Variants in KIAA0232 observed in about 807,000 individuals in gnomAD.
The protein encoded by KIAA0232 is KIAA0232.
A neutral mutation model predicts 122.0 loss-of-function variants in KIAA0232; 27 were observed. That is an observed-to-expected ratio of 0.22 (90% CI 0.16 to 0.31). The LOEUF is 0.31. KIAA0232 is among the 10% of genes least tolerant of loss of function. The pLI is 1.00. For missense variants in KIAA0232, 1,551 were observed against 1,634.2 expected, an observed-to-expected ratio of 0.95 and a Z score of 0.88; for synonymous variants, 613 against 587.6, an observed-to-expected ratio of 1.04 and a Z score of -0.63.
In KIAA0232 at chr4:6,863,595, A is replaced by G. The variant is rs1451001099; in HGVS notation, c.3213A>G (p.Lys1071=). ...EGIASFSPSF[K]PKSILCSDSD... Reference sequence around the variant, plus strand: ...TTGCATCTTTCAGCCCCAGTTTTAAACCGAAATCAATCCTCTGTTCTGATT... The same window carrying G: ...TTGCATCTTTCAGCCCCAGTTTTAAGCCGAAATCAATCCTCTGTTCTGATT... Residue 1071 remains lysine, a synonymous_variant, in exon 7 of 10, where the codon AAA becomes AAG. Transcript: ENST00000307659. 1 of 1,614,120 alleles carries G rather than the reference A, an allele frequency of 6.2e-7. No individual in the cohort carries two copies. Among genetic ancestry groups the G allele is most frequent in the East Asian group, 2.2e-5 (1 of 44,878 alleles).
intron 3 of KIAA0232, among the ~76,000 whole-genome samples, chr4:6,825,021 A>C (rs1035732767): frequency 6.6e-6 from 1 of 152,246 alleles, no homozygotes; most frequent in African/African-American, 2.4e-5. Flanking sequence ...TACTATTTAG[A>C]AAACTCACAC....
chr4:6,832,838 G>C (rs1246305185), intron 3 of KIAA0232, among the ~76,000 whole-genome samples: 1 of 152,122 alleles, frequency 6.6e-6, no homozygotes, highest in African/African-American at 2.4e-5. Flanking sequence ...TCACACACTG[G>C]GGCCTGCCCT....
In KIAA0232 at chr4:6,880,852, C is replaced by T. The variant is rs1327767195; in HGVS notation, c.4074C>T (p.Phe1358=). The T allele has an allele frequency of 3.1e-6, 5 of 1,606,996 alleles. No homozygotes were observed. The highest frequency in any genetic ancestry group is 4.3e-6 in the Non-Finnish European group (5 of 1,176,292). ...ERDSGAKSDG[F]RGKMCSSASS... ...ATTCTGGAGCAAAGTCAGATGGCTT[C>T]CGCGGAAAGATGTGCTCCAGCGCCA... The change falls in exon 10 of 10, where the codon TTC becomes TTT. Residue 1358 remains phenylalanine, a synonymous_variant. Transcript: ENST00000307659.
rs1314554626 is a variant in KIAA0232 at position 6,862,904 on chromosome 4, T to C, written c.2522T>C (p.Val841Ala). 1 of 1,614,028 alleles carries C rather than the reference T, an allele frequency of 6.2e-7. No individual in the cohort carries two copies. Among genetic ancestry groups the C allele is most frequent in the Non-Finnish European group, 8.5e-7 (1 of 1,180,028 alleles). The change falls in exon 7 of 10, where the codon GTA becomes GCA. Residue 841 changes from valine to alanine, a missense_variant. Val to Ala is a moderately conservative substitution (Grantham distance 64). This residue lies in a region of KIAA0232 where 1,108 missense variants were observed against 1,154.8 expected (regional missense o/e 0.96). Transcript: ENST00000307659. ...KMADTNSVAT[V>A]EIERTDAELF... ...GCAGACACAAATTCTGTGGCTACAG[T>C]AGAAATAGAAAGAACTGATGCTGAG...
chr4:6,788,774 C>T (rs62289423), intron 1 of KIAA0232, among the ~76,000 whole-genome samples: 24,167 of 152,088 alleles, frequency 0.16, 2,292 homozygotes, highest in Admixed American at 0.27. Flanking sequence ...AGTGAATCCA[C>T]GTGACACACT....
chr4:6,807,052 ATCTAT>A (rs879812750), intron 2 of KIAA0232, among the ~76,000 whole-genome samples: 15 of 151,104 alleles, frequency 9.9e-5, no homozygotes, highest in Non-Finnish European at 1.8e-4. Flanking sequence ...CTATCTATCT[ATCTAT>A]CTATCTATCT....
In KIAA0232 at chr4:6,880,924, G is replaced by A; in HGVS notation, c.4146G>A (p.Val1382=). 2 of 1,597,064 alleles carry A rather than the reference G, an allele frequency of 1.3e-6. No individual in the cohort carries two copies. The highest frequency in any genetic ancestry group is 8.5e-7 in the Non-Finnish European group (1 of 1,170,752). The change falls in exon 10 of 10, where the codon GTG becomes GTA. Residue 1382 remains valine (V), a synonymous_variant. Transcript: ENST00000307659. ...ETGSEGGGEW[V]GPSEEELFSR... The stretch of plus-strand genomic sequence containing the variant: ...GCTCAGAAGGCGGAGGCGAGTGGGT[G>A]GGCCCTAGTGAAGAGGAGCTCTTTT...
chr4:6,795,215 C>T (rs1717076306), intron 1 of KIAA0232, among the ~76,000 whole-genome samples: 1 of 152,160 alleles, frequency 6.6e-6, no homozygotes, highest in South Asian at 2.1e-4. Flanking sequence ...GGACTACAGG[C>T]ACCCACCACC....
intron 8 of KIAA0232, among the ~76,000 whole-genome samples, chr4:6,876,156 G>A (rs1040407452): frequency 6.6e-6 from 1 of 152,194 alleles, no homozygotes; most frequent in Non-Finnish European, 1.5e-5. Context: ...ACATGGTTCA[G>A]TATGTTGTTG....
chr4:6,835,638 C>G (rs367757691), intron 3 of KIAA0232, among the ~76,000 whole-genome samples: 587 of 152,218 alleles, frequency 3.9e-3, no homozygotes, highest in African/African-American at 0.013. Context: ...TCCCAACAGG[C>G]CCCCGGTGTG....
At chr4:6,826,216 G>C (rs991811845) in intron 3 of KIAA0232, among the ~76,000 whole-genome samples, 1 of 152,184 alleles carries the variant, frequency 6.6e-6, no homozygotes, top group East Asian at 1.9e-4. Flanking sequence ...TTGCTTCCAG[G>C]TTGCTTGCTG....
intron 3 of KIAA0232, among the ~76,000 whole-genome samples, chr4:6,840,754 G>C (rs1358725244): frequency 6.8e-6 from 1 of 146,812 alleles, no homozygotes; most frequent in Non-Finnish European, 1.5e-5. Context: ...TCCTAACCTC[G>C]TGATCCACCC....
Position 6,876,769 on chromosome 4 carries a change from G to C in KIAA0232, c.4008+12G>C, listed in dbSNP as rs775697549. 7 of 1,550,000 alleles carry C rather than the reference G, an allele frequency of 4.5e-6. No individual in the cohort carries two copies. In the East Asian group the frequency reaches 1.6e-4, roughly 35 times the overall value. On this transcript the variant is annotated intron_variant, in intron 9 of 9. Coordinates refer to ENST00000307659, the MANE Select transcript of KIAA0232 (RefSeq NM_014743.3). ...TAGATTTTAATAGGGTAAGTGGACTGTCCTCCTCCTCGTCATTAACTTACA... is the reference window on the plus strand; with the variant it reads ...TAGATTTTAATAGGGTAAGTGGACTCTCCTCCTCCTCGTCATTAACTTACA...
intron 2 of KIAA0232, among the ~76,000 whole-genome samples, chr4:6,821,702 G>GTATA (rs1357956421): frequency 6.7e-6 from 1 of 149,824 alleles, no homozygotes. Flanking sequence ...GTGTGTGTGT[G>GTATA]TGTATATATA....
intron 4 of KIAA0232, among the ~76,000 whole-genome samples, chr4:6,845,739 C>T (rs1254436747): frequency 6.6e-6 from 1 of 152,060 alleles, no homozygotes; most frequent in Non-Finnish European, 1.5e-5. Flanking sequence ...ACCAAAGTTG[C>T]TGAGAAATGA....
rs1266894811 is a variant in KIAA0232 at position 6,862,317 on chromosome 4, C to T, written c.1935C>T (p.Asn645=). The T allele has an allele frequency of 1.7e-5, 27 of 1,614,052 alleles. No individual in the cohort carries two copies. The highest frequency in any genetic ancestry group is 2.7e-5 in the African/African-American group (2 of 74,926). The change falls in exon 7 of 10, where the codon AAC becomes AAT. Residue 645 remains asparagine (N), a synonymous_variant. Coordinates refer to ENST00000307659, the MANE Select transcript of KIAA0232 (RefSeq NM_014743.3). ...FSDINEGSGI[N]SCFSVFEVQC... ...ATATTAATGAAGGATCTGGTATAAA[C>T]TCTTGTTTTTCAGTGTTTGAAGTGC...
chr4:6,794,488 A>G (rs1209634608), intron 1 of KIAA0232, among the ~76,000 whole-genome samples: 1 of 152,190 alleles, frequency 6.6e-6, no homozygotes, highest in Non-Finnish European at 1.5e-5. Context: ...AGAAAGACTG[A>G]TAATACAAAT....
intron 2 of KIAA0232, among the ~76,000 whole-genome samples, chr4:6,806,534 A>C (rs759045394): frequency 6.6e-6 from 1 of 152,008 alleles, no homozygotes; most frequent in African/African-American, 2.4e-5. Context: ...GGAAATCGAG[A>C]CCGTCCTTGC....
Position 6,880,899 on chromosome 4 carries a change from G to T in KIAA0232, c.4121G>T (p.Gly1374Val). The change falls in exon 10 of 10, where the codon GGC (glycine) becomes GTC (valine). Residue 1374 changes from glycine (G) to valine (V), a missense_variant. This residue lies in a region of KIAA0232 where 1,108 missense variants were observed against 1,154.8 expected (regional missense o/e 0.96). Coordinates refer to ENST00000307659, the MANE Select transcript of KIAA0232 (RefSeq NM_014743.3). ...SSASSTSEET[G>V]SEGGGEWVGP... is the part of the protein sequence containing the mutation. ...GCCAGCTCCACCTCGGAAGAGACAG[G>T]CTCAGAAGGCGGAGGCGAGTGGGTG... 6.2e-7 allele frequency: 1 copy of T among 1,607,568 alleles called. No individual in the cohort carries two copies. The highest frequency in any genetic ancestry group is 2.2e-5 in the East Asian group (1 of 44,650).
Sources: gnomAD v4.1 joint callset for allele counts (sites outside exome capture counted in the v4.1 genomes callset) on GRCh38, gnomAD v4.1.1 for gene constraint, gnomAD v4.1.1 regional missense constraint, MANE v1.5 for transcripts, NCBI Gene and HGNC (gene_info 2026-07-23, HGNC 2026-07-21) for gene names.